Variants in MAST4 observed in about 807,000 individuals in gnomAD.
MAST4 encodes the protein microtubule associated serine/threonine kinase family member 4, also known as microtubule-associated serine/threonine-protein kinase 4.
In MAST4, 89 loss-of-function variants were observed where a neutral mutation model predicts 162.7. The observed-to-expected ratio is 0.55, with a 90% confidence interval of 0.46 to 0.65. MAST4 has a LOEUF of 0.65. Ranked by LOEUF, MAST4 falls within the 30% of genes least tolerant of loss-of-function variation. The pLI is 0.00. For synonymous variants in MAST4, 1,479 were observed against 1,361.1 expected (o/e 1.09, Z -1.91); for missense variants, 3,153 against 3,374.0 (o/e 0.93, Z 1.62).
Position 67,055,386 on chromosome 5 carries a change from T to C in MAST4, c.763+894T>C, listed in dbSNP as rs145624218. Among the ~76,000 whole-genome samples, 50 of 152,298 alleles carry C rather than the reference T, an allele frequency of 3.3e-4. 1 individual carries two copies. The highest frequency in any genetic ancestry group is 6.5e-4 in the Admixed American group (10 of 15,292). ...CTCTTAGCCCTACTTCACTGTACTC[T>C]TGTGAAAACTCTAATTTGATACTCA... On this transcript the variant is annotated intron_variant, in intron 5 of 28. Transcript: ENST00000403625.
At position 67,000,756 on chromosome 5, in the gene MAST4, A is replaced by AGGGG. The variant is rs71610548; in HGVS notation, c.675-53642_675-53639dup. ...AGAGTGAAACTCTGTCTAAAAAAAA[A>AGGGG]GGGGGGGGGTGGCTTGTGTCAACAG... is the stretch of plus-strand genomic sequence containing the variant. On this transcript the variant is annotated intron_variant, in intron 4 of 28. Transcript: ENST00000403625. Among the ~76,000 whole-genome samples, 989 of 141,036 alleles carry AGGGG rather than the reference A, an allele frequency of 7.0e-3. 7 individuals are homozygous for AGGGG. The highest frequency in any genetic ancestry group is 0.015 in the Admixed American group (210 of 13,684). The allele number at this position is 141,036 out of a possible 152,430, so 92.5% of individuals were successfully genotyped here.
At chr5:67,150,155 G>A (rs1463207268) in intron 24 of MAST4, among the ~76,000 whole-genome samples, 2 of 152,098 alleles carry the variant, frequency 1.3e-5, no homozygotes. Context: ...GCCCTGTTTT[G>A]GAAAACTGGG....
intron 4 of MAST4, among the ~76,000 whole-genome samples, chr5:66,918,627 C>G (rs1764269414): frequency 6.6e-6 from 1 of 151,578 alleles, no homozygotes; most frequent in Non-Finnish European, 1.5e-5. Context: ...GAGCTAAATA[C>G]TAAAACTGGG....
chr5:66,954,424 A>AAT (rs1745053803), intron 4 of MAST4, among the ~76,000 whole-genome samples: 1 of 152,174 alleles, frequency 6.6e-6, no homozygotes, highest in African/African-American at 2.4e-5. Context: ...TGGTTTCTGC[A>AAT]ATATAGGGAG....
chr5:66,906,859 G>C (rs1763386680), intron 4 of MAST4, among the ~76,000 whole-genome samples: 1 of 152,072 alleles, frequency 6.6e-6, no homozygotes, highest in Non-Finnish European at 1.5e-5. Context: ...ACAGTAAAGG[G>C]TGTCCAGAGA....
chr5:66,731,237 A>G (rs571819955), intron 1 of MAST4, among the ~76,000 whole-genome samples: 1 of 149,040 alleles, frequency 6.7e-6, no homozygotes, highest in South Asian at 2.1e-4. Context: ...CATTGGGTGC[A>G]GCTTAGCAAT....
chr5:67,078,970 G>C (rs571406005), intron 5 of MAST4, among the ~76,000 whole-genome samples: 2 of 102,500 alleles, frequency 2.0e-5, no homozygotes, highest in South Asian at 5.8e-4. Flanking sequence ...GATGTTATCT[G>C]TCAAATTACC....
intron 3 of MAST4, among the ~76,000 whole-genome samples, chr5:66,791,403 T>C (rs2149680136): frequency 6.6e-6 from 1 of 152,338 alleles, no homozygotes; most frequent in East Asian, 1.9e-4. Context: ...ATTGATGAAA[T>C]GCATGTCACC....
chr5:67,143,709 A>T (rs1469011277), intron 21 of MAST4, among the ~76,000 whole-genome samples: 1 of 152,202 alleles, frequency 6.6e-6, no homozygotes, highest in African/African-American at 2.4e-5. Flanking sequence ...TCCCTGGAGA[A>T]GGTGGTAGCC....
At chr5:66,882,066 C>T (rs1761725376) in intron 3 of MAST4, among the ~76,000 whole-genome samples, 1 of 152,192 alleles carries the variant, frequency 6.6e-6, no homozygotes, top group Non-Finnish European at 1.5e-5. Flanking sequence ...ATCTTGATAA[C>T]TCTGTTGCCT....
At chr5:66,788,604 C>CCCCCAAACAAAAAAAAAAAAAAA in intron 2 of MAST4, 66 bp from the exon 3 acceptor site, 5 of 1,337,752 alleles carry the variant, frequency 3.7e-6, no homozygotes, top group Non-Finnish European at 5.2e-6. Flanking sequence ...CCACCCCCAC[C>CCCCCAAACAAAAAAAAAAAAAAA]CCCATTGCAA....
intron 4 of MAST4, among the ~76,000 whole-genome samples, chr5:66,956,132 A>G (rs1042026171): frequency 6.6e-6 from 1 of 151,654 alleles, no homozygotes; most frequent in African/African-American, 2.4e-5. Flanking sequence ...CTTCTTTTAA[A>G]CTTTGGGTTC....
intron 4 of MAST4, chr5:66,986,307 G>A (rs1159828596): frequency 9.8e-6 from 5 of 508,274 alleles, no homozygotes; most frequent in East Asian, 8.0e-5. Flanking sequence ...GGGAAACTGA[G>A]CCCAAGCGGG....
intron 3 of MAST4, among the ~76,000 whole-genome samples, chr5:66,875,258 G>C (rs1442541111): frequency 6.6e-6 from 1 of 152,158 alleles, no homozygotes; most frequent in Non-Finnish European, 1.5e-5. Flanking sequence ...TATTCTGGGA[G>C]TATTTTAGTC....
intron 1 of MAST4, among the ~76,000 whole-genome samples, chr5:66,725,337 G>T (rs1751446539): frequency 6.6e-6 from 1 of 151,838 alleles, no homozygotes; most frequent in Non-Finnish European, 1.5e-5. Context: ...TTACATTTTT[G>T]ATTTTTAAAA....
At position 66,785,970 on chromosome 5, in the gene MAST4, G is replaced by A. The variant is rs144900115; in HGVS notation, c.518-2700G>A. Among the ~76,000 whole-genome samples, 108 of 152,162 alleles carry A rather than the reference G, an allele frequency of 7.1e-4. No homozygotes were observed. In the Middle Eastern group the frequency reaches 0.014, roughly 19 times the overall value. ...TGCAACCTCCACCTCCTAGGCTCAC[G>A]AGGTCCTCCCTTCTCAGCCTCCTGA... On this transcript the variant is annotated intron_variant, in intron 2 of 28. Coordinates refer to ENST00000403625, the MANE Select transcript of MAST4 (RefSeq NM_001164664.2).
intron 1 of MAST4, among the ~76,000 whole-genome samples, chr5:66,685,261 TCAAACAAAA>T (rs1446625689): frequency 5.8e-4 from 58 of 100,794 alleles, no homozygotes; most frequent in African/African-American, 1.9e-3. Context: ...AGACCTTGTC[TCAAACAAAA>T]CAAAACAAAA....
chr5:66,975,715 C>T (rs926538025), intron 4 of MAST4, among the ~76,000 whole-genome samples: 2 of 152,104 alleles, frequency 1.3e-5, no homozygotes, highest in Non-Finnish European at 2.9e-5. Flanking sequence ...CTGTTTAGGC[C>T]GGGCACGGTG....
chr5:66,828,847 G>A (rs914001649), intron 3 of MAST4: 2 of 1,606,896 alleles, frequency 1.2e-6, no homozygotes, highest in Non-Finnish European at 1.7e-6. Flanking sequence ...GGGTGAGATG[G>A]ATGAGTCCAG....
Sources: gnomAD v4.1 joint callset for allele counts (sites outside exome capture counted in the v4.1 genomes callset) on GRCh38, gnomAD v4.1.1 for gene constraint, MANE v1.5 for transcripts, NCBI Gene and HGNC (gene_info 2026-07-23, HGNC 2026-07-21) for gene names.